KATNAL2: variants seen among roughly 807,000 people sequenced by gnomAD.
The protein encoded by KATNAL2 is katanin p60 ATPase-containing subunit A-like 2.
A neutral mutation model predicts 76.3 loss-of-function variants in KATNAL2; 52 were observed. The ratio of observed to expected loss-of-function variants is 0.68; its 90% CI spans 0.55 to 0.86. KATNAL2 has a LOEUF of 0.86. Among genes scored for constraint, KATNAL2 ranks in the 40% least tolerant of loss-of-function variants. The pLI, the probability that KATNAL2 is intolerant of heterozygous loss-of-function variation, is 0.00. For synonymous variants in KATNAL2, 243 were observed against 244.2 expected (o/e 1.00, Z 0.05); for missense variants, 660 against 668.9 (o/e 0.99, Z 0.15).
intron 6 of KATNAL2, 158 bp downstream of exon 6, chr18:47,054,596 G>T: frequency 1.4e-6 from 1 of 710,446 alleles, no homozygotes; most frequent in East Asian, 2.6e-5. Flanking sequence ...CATTACAGCT[G>T]CCCCAGATTT....
chr18:47,062,916 TAAG>T, intron 8 of KATNAL2, 53 bp from the exon 9 acceptor site: 1 of 1,380,948 alleles, frequency 7.2e-7, no homozygotes, highest in Admixed American at 1.7e-5. Flanking sequence ...ACTGAGTTAT[TAAG>T]AAGAGTCTTC....
chr18:47,032,671 A>G (rs1351533937), intron 3 of KATNAL2: 1 of 388,468 alleles, frequency 2.6e-6, no homozygotes, highest in East Asian at 5.4e-5. Flanking sequence ...TCGAAAAAAA[A>G]AAGAAAGGAA....
At chr18:47,065,948 G>A (rs1192859511) in intron 10 of KATNAL2, among the ~76,000 whole-genome samples, 1 of 151,950 alleles carries the variant, frequency 6.6e-6, no homozygotes, top group Non-Finnish European at 1.5e-5. Context: ...CTGGGCTACA[G>A]AGCGAGACCC....
intron 13 of KATNAL2, among the ~76,000 whole-genome samples, chr18:47,074,335 C>T (rs1599767321): frequency 6.6e-6 from 1 of 152,200 alleles, no homozygotes; most frequent in African/African-American, 2.4e-5. Context: ...TGAGCTGCTG[C>T]TGCTCGTGAA....
chr18:47,037,850 A>AT (rs5824648), intron 3 of KATNAL2, among the ~76,000 whole-genome samples: 72,217 of 147,966 alleles, frequency 0.49, 17,646 homozygotes, highest in East Asian at 0.63. Context: ...TAGGAAAGCC[A>AT]TTTTTTTTTT....
chr18:46,946,594 C>T (rs1337126893), intron 2 of KATNAL2, 48 bp downstream of exon 2: 21 of 982,420 alleles, frequency 2.1e-5, no homozygotes, highest in Non-Finnish European at 2.5e-5. Flanking sequence ...ATTAAGAAAA[C>T]CAAAACAATT....
chr18:47,057,477 ATG>A (rs2061504757), intron 6 of KATNAL2, among the ~76,000 whole-genome samples: 1 of 152,216 alleles, frequency 6.6e-6, no homozygotes, highest in Admixed American at 6.5e-5. Context: ...ATATATAACT[ATG>A]TATACAGTAA....
rs1257546124 is a variant in KATNAL2, at chr18:46,917,642, G to A, written c.-794G>A. 7 of 799,928 alleles carry A rather than the reference G, an allele frequency of 8.8e-6. No homozygotes were observed. The highest frequency in any genetic ancestry group is 1.2e-4 in the East Asian group (1 of 8,330). The allele number at this position is 799,928 out of a possible 1,614,324, so 49.6% of individuals were successfully genotyped here. ...AGCGCCCGCCCGCGCCTGCCCCGGC[G>A]TGCTGCCCCGCGGCTTGGCCCCGCT... On this transcript the variant is annotated 5_prime_UTR_variant, in exon 1 of 18. The change creates a new upstream start codon in the 5' untranslated region. Transcript: ENST00000683218.
chr18:47,031,996 C>T lies in KATNAL2; in HGVS notation c.52-14461C>T, dbSNP rs558580827. 3.9e-5 allele frequency among the ~76,000 whole-genome samples: 6 copies of T among 152,302 alleles called. No homozygotes were observed. In the East Asian group the frequency reaches 1.2e-3, roughly 29 times the overall value. The stretch of plus-strand genomic sequence containing the variant: ...GAAAAGTTTTAAGAAAGCTAGCAGA[C>T]GTCCGTGTGATCTGAACTCAAGGTA... On this transcript the variant is annotated intron_variant, in intron 3 of 17. Transcript: ENST00000683218.
intron 15 of KATNAL2, among the ~76,000 whole-genome samples, chr18:47,093,935 C>A (rs2063117311): frequency 6.6e-6 from 1 of 152,146 alleles, no homozygotes; most frequent in Admixed American, 6.5e-5. Context: ...TTGTTTTTCT[C>A]TATTCTTTTT....
At chr18:46,919,360 C>G (rs2058381516) in intron 1 of KATNAL2, among the ~76,000 whole-genome samples, 1 of 152,092 alleles carries the variant, frequency 6.6e-6, no homozygotes, top group African/African-American at 2.4e-5. Flanking sequence ...GTGGCGCATT[C>G]CTGTAATCCC....
intron 3 of KATNAL2, chr18:47,034,171 G>T (rs763298258): frequency 6.2e-7 from 1 of 1,614,184 alleles, no homozygotes; most frequent in South Asian, 1.1e-5. Context: ...CTCCACCTCA[G>T]AGAGGGAGCT....
In KATNAL2 at chr18:47,033,990, A is replaced by C. The variant is rs771502117; in HGVS notation, c.52-12467A>C. ...GGACAGGAGGCAATTTCTTAGCCGA[A>C]TCCCAGGACTCACGAGTGCCCTTGG... On this transcript the variant is annotated intron_variant, in intron 3 of 17. Coordinates refer to ENST00000683218, the MANE Select transcript of KATNAL2 (RefSeq NM_001387690.1). 2.2e-5 allele frequency: 35 copies of C among 1,613,672 alleles called. 1 individual carries two copies. The highest frequency in any genetic ancestry group is 2.8e-5 in the Non-Finnish European group (33 of 1,180,050).
intron 4 of KATNAL2, among the ~76,000 whole-genome samples, 168 bp downstream of exon 4, chr18:47,046,695 G>A (rs1395010559): frequency 6.6e-6 from 1 of 152,066 alleles, no homozygotes; most frequent in Non-Finnish European, 1.5e-5. Flanking sequence ...CCCTTTTCCA[G>A]TTTCCTCTCC....
intron 1 of KATNAL2, among the ~76,000 whole-genome samples, chr18:46,924,810 T>A (rs999462899): frequency 2.0e-5 from 3 of 152,200 alleles, no homozygotes; most frequent in Admixed American, 6.5e-5. Flanking sequence ...GTAAGTTGGA[T>A]TCAATACCTT....
At chr18:46,950,134 A>T (rs1300662731) in intron 3 of KATNAL2, among the ~76,000 whole-genome samples, 4 of 152,212 alleles carry the variant, frequency 2.6e-5, no homozygotes, top group Admixed American at 1.3e-4. Context: ...TAAATTTAGT[A>T]TTTAATTGGA....
chr18:46,924,252 A>T (rs1369346329), intron 1 of KATNAL2, among the ~76,000 whole-genome samples: 1 of 152,192 alleles, frequency 6.6e-6, no homozygotes, highest in African/African-American at 2.4e-5. Context: ...TTATTTTTGT[A>T]TAAGGTGTAA....
chr18:47,097,108 G>A (rs1319148756), intron 15 of KATNAL2, among the ~76,000 whole-genome samples: 5 of 128,134 alleles, frequency 3.9e-5, no homozygotes, highest in Non-Finnish European at 6.5e-5. Flanking sequence ...AACAGAGGAA[G>A]ACCCTGGCTC....
intron 13 of KATNAL2, among the ~76,000 whole-genome samples, chr18:47,072,195 A>C (rs1225139681): frequency 6.6e-6 from 1 of 151,770 alleles, no homozygotes; most frequent in Non-Finnish European, 1.5e-5. Flanking sequence ...TGACCTTGTG[A>C]TCTGCCTACC....
Sources: allele counts gnomAD v4.1 joint callset (sites outside exome capture counted in the v4.1 genomes callset), GRCh38; gene constraint gnomAD v4.1.1; transcripts MANE v1.5; gene names NCBI Gene and HGNC (gene_info 2026-07-23, HGNC 2026-07-21).